Variants in STOM observed in about 807,000 individuals in gnomAD.
The protein encoded by STOM is erythrocyte band 7 integral membrane protein.
Under a neutral mutation model 30.6 loss-of-function variants are expected in STOM, and 25 were observed. The observed-to-expected ratio is 0.82, with a 90% confidence interval of 0.60 to 1.14. The LOEUF (loss-of-function observed/expected upper bound fraction) is 1.14. STOM is among the 50% of genes most tolerant of loss of function. The pLI, the probability that STOM is intolerant of heterozygous loss-of-function variation, is 0.00. For missense variants in STOM, 292 were observed against 365.2 expected, an observed-to-expected ratio of 0.80 and a Z score of 1.63; for synonymous variants, 118 against 130.8, an observed-to-expected ratio of 0.90 and a Z score of 0.67.
At chr9:121,351,788 CT>C (rs1265341912) in intron 4 of STOM, among the ~76,000 whole-genome samples, 1 of 152,240 alleles carries the variant, frequency 6.6e-6, no homozygotes, top group Non-Finnish European at 1.5e-5. Flanking sequence ...TCTAGGGATT[CT>C]GCCATGAGTT....
At chr9:121,363,018 A>G (rs1481867100) in intron 1 of STOM, among the ~76,000 whole-genome samples, 2 of 152,186 alleles carry the variant, frequency 1.3e-5, no homozygotes, top group East Asian at 3.8e-4. Context: ...TCCACTCATC[A>G]CTGAGATTTT....
intron 4 of STOM, among the ~76,000 whole-genome samples, chr9:121,352,917 C>T (rs369627012): frequency 1.0e-3 from 158 of 152,174 alleles, no homozygotes; most frequent in African/African-American, 3.3e-3. Context: ...ATGGCAAAAT[C>T]CCGTGTCTAC....
chr9:121,365,477 G>GTTT, intron 1 of STOM, among the ~76,000 whole-genome samples: 1 of 144,838 alleles, frequency 6.9e-6, no homozygotes, highest in Non-Finnish European at 1.5e-5. Context: ...CACTTTTTAG[G>GTTT]TTTTTTTTTT....
At position 121,345,677 on chromosome 9, in the gene STOM, G is replaced by A. The variant is rs2064283003; in HGVS notation, c.660+2338C>T. Among the ~76,000 whole-genome samples, 3 of 152,130 alleles carry A rather than the reference G, an allele frequency of 2.0e-5. No homozygotes were observed. In the South Asian group the frequency reaches 6.2e-4, roughly 32 times the overall value. On this transcript the variant is annotated intron_variant, in intron 6 of 6. Coordinates refer to ENST00000286713, the MANE Select transcript of STOM (RefSeq NM_004099.6). Reference sequence around the variant, plus strand: ...GCTTCTAGACTAACCCTACAGCCCCGTCCAAGTGGGAGCATGGCAATTCAG... The same window carrying A: ...GCTTCTAGACTAACCCTACAGCCCCATCCAAGTGGGAGCATGGCAATTCAG...
Position 121,348,106 on chromosome 9 carries a change from T to G in STOM, c.569A>C (p.Glu190Ala). The G allele has an allele frequency of 6.2e-7, 1 of 1,614,192 alleles. No homozygotes were observed. The highest frequency in any genetic ancestry group is 2.2e-5 in the East Asian group (1 of 44,888). ...DATDAWGIKV[E>A]RVEIKDVKLP... is the part of the protein sequence containing the mutation. ...TTTCACATCCTTAATTTCCACACGC[T>G]CCACCTTTATTCCCCAGGCATCAGT... The change falls in exon 6 of 7, where the codon GAG (glutamate) becomes GCG (alanine). Residue 190 changes from glutamate (E) to alanine (A), a missense_variant. Glu to Ala is a moderately radical substitution (Grantham distance 107). Transcript: ENST00000286713.
At chr9:121,369,828 C>T (rs781774543) in intron 1 of STOM, 5 of 369,962 alleles carry the variant, frequency 1.4e-5, no homozygotes, top group Non-Finnish European at 2.4e-5. Context: ...TCCTAGTCCG[C>T]GTGCGTGACA....
chr9:121,357,444 T>TATATATATATATATATATATATA (rs2064405020), intron 1 of STOM, among the ~76,000 whole-genome samples: 1 of 143,494 alleles, frequency 7.0e-6, no homozygotes, highest in South Asian at 2.3e-4. Context: ...TATATATTTA[T>TATATATATATATATATATATATA]TTATTTATTT....
chr9:121,357,209 T>C (rs1202339645), intron 1 of STOM, among the ~76,000 whole-genome samples: 1 of 151,982 alleles, frequency 6.6e-6, no homozygotes, highest in Non-Finnish European at 1.5e-5. Flanking sequence ...CTATAAACAG[T>C]GTTGTAGTGA....
At position 121,362,936 on chromosome 9, in the gene STOM, C is replaced by T. The variant is rs1049931449; in HGVS notation, c.62-6780G>A. 2.6e-5 allele frequency among the ~76,000 whole-genome samples: 4 copies of T among 152,182 alleles called. No homozygotes were observed. In the South Asian group the frequency reaches 6.2e-4, roughly 24 times the overall value. ...TAGTCCAGAGGGCTGTAGTTGTCCC[C>T]GTTCCCCATCAGCTGATTTACTTTC... On this transcript the variant is annotated intron_variant, in intron 1 of 6. Coordinates refer to ENST00000286713, the MANE Select transcript of STOM (RefSeq NM_004099.6).
chr9:121,366,341 A>G (rs1259987659), intron 1 of STOM: 2 of 781,760 alleles, frequency 2.6e-6, no homozygotes, highest in Admixed American at 6.2e-5. Flanking sequence ...GATCTATTTT[A>G]ATTATCAACA....
At chr9:121,365,814 G>A (rs987401082) in intron 1 of STOM, among the ~76,000 whole-genome samples, 1 of 152,154 alleles carries the variant, frequency 6.6e-6, no homozygotes, top group African/African-American at 2.4e-5. Flanking sequence ...TATTCAACAA[G>A]CAGTAGCCAT....
chr9:121,348,839 C>T (rs2064312630), intron 5 of STOM, among the ~76,000 whole-genome samples: 1 of 152,114 alleles, frequency 6.6e-6, no homozygotes, highest in Non-Finnish European at 1.5e-5. Flanking sequence ...CACTATCTTG[C>T]AGAATAGCCT....
chr9:121,341,562 A>T (rs2064247457), intron 6 of STOM, among the ~76,000 whole-genome samples, 154 bp from the exon 7 acceptor site: 1 of 152,224 alleles, frequency 6.6e-6, no homozygotes, highest in Non-Finnish European at 1.5e-5. Flanking sequence ...CTACATACTC[A>T]GTTTCCATAT....
Position 121,339,790 on chromosome 9 carries a change from A to C in STOM, c.*1412T>G. 8.2e-7 allele frequency: 1 copy of C among 1,217,740 alleles called. No homozygotes were observed. Among genetic ancestry groups the C allele is most frequent in the Non-Finnish European group, 1.0e-6 (1 of 979,688 alleles). The allele number at this position is 1,217,740 out of a possible 1,614,324, so 75.4% of individuals were successfully genotyped here. A position where few individuals can be genotyped will look rare whatever the true frequency, so the allele number is the denominator to read the frequency against. ...GGAGCTGACCAGTTCCTCTTTCAGC[A>C]TCAATATACATGATAGAAGAATGAC... On this transcript the variant is annotated 3_prime_UTR_variant, in exon 7 of 7. Coordinates refer to ENST00000286713, the MANE Select transcript of STOM (RefSeq NM_004099.6).
chr9:121,347,546 A>G (rs1019720346), intron 6 of STOM, among the ~76,000 whole-genome samples: 3 of 152,328 alleles, frequency 2.0e-5, no homozygotes, highest in African/African-American at 7.2e-5. Context: ...ACAGAACAAA[A>G]AAGAAGCCAA....
chr9:121,358,908 G>A (rs2064423343), intron 1 of STOM, among the ~76,000 whole-genome samples: 1 of 152,094 alleles, frequency 6.6e-6, no homozygotes, highest in South Asian at 2.1e-4. Context: ...CATCTGGTGT[G>A]CACGGCTATC....
Position 121,340,081 on chromosome 9 carries a change from T to G in STOM, c.*1121A>C, listed in dbSNP as rs562063791. ...ATATATAACAATTGCATATAGAACG[T>G]AGAGAAAATTTTATTAAAAAATTAA... On this transcript the variant is annotated 3_prime_UTR_variant, in exon 7 of 7. Coordinates refer to ENST00000286713, the MANE Select transcript of STOM (RefSeq NM_004099.6). The G allele has an allele frequency of 5.1e-6, 5 of 975,256 alleles. No individual in the cohort carries two copies. In the Admixed American group the frequency reaches 1.8e-4, roughly 36 times the overall value. 60.4% of individuals were successfully genotyped at this position (975,256 alleles called of 1,614,324 possible).
At chr9:121,352,176 C>T (rs2064345436) in intron 4 of STOM, among the ~76,000 whole-genome samples, 1 of 152,176 alleles carries the variant, frequency 6.6e-6, no homozygotes. Context: ...ACAATATTTG[C>T]ATATAACTTA....
chr9:121,366,087 T>C (rs1377726761), intron 1 of STOM: 13 of 982,504 alleles, frequency 1.3e-5, no homozygotes, highest in South Asian at 4.7e-5. Flanking sequence ...TAAATTCCAC[T>C]CTCATTTCAC....
Sources: allele counts gnomAD v4.1 joint callset (sites outside exome capture counted in the v4.1 genomes callset), GRCh38; gene constraint gnomAD v4.1.1; transcripts MANE v1.5; gene names NCBI Gene and HGNC (gene_info 2026-07-23, HGNC 2026-07-21).